The following TENM4 variants were observed in gnomAD, a reference collection of about 807,000 sequenced individuals.
TENM4 encodes teneurin transmembrane protein 4.
Under a neutral mutation model 243.3 loss-of-function variants are expected in TENM4, and 82 were observed. That is an observed-to-expected ratio of 0.34 (90% confidence interval 0.28 to 0.40). TENM4 has a LOEUF of 0.40. TENM4 is among the 10% of genes least tolerant of loss of function. TENM4 has a pLI of 1.00. For synonymous variants in TENM4, 1,412 were observed against 1,456.3 expected (o/e 0.97, Z 0.69); for missense variants, 3,138 against 3,673.3 (o/e 0.85, Z 3.77).
chr11:78,732,636 G>T, intron 20 of TENM4, 59 bp from the exon 21 acceptor site: 1 of 1,501,054 alleles, frequency 6.7e-7, no homozygotes, highest in South Asian at 1.4e-5. Flanking sequence ...GAACCAGGAT[G>T]AGAAAGAGAG....
chr11:79,085,413 C>CT (rs1330294442), intron 4 of TENM4, among the ~76,000 whole-genome samples: 1 of 147,050 alleles, frequency 6.8e-6, no homozygotes, highest in African/African-American at 2.5e-5. Context: ...TTGGGTCAGG[C>CT]TTTTTTGAGT....
At chr11:79,005,033 A>G (rs1858446462) in intron 6 of TENM4, among the ~76,000 whole-genome samples, 1 of 152,104 alleles carries the variant, frequency 6.6e-6, no homozygotes, top group Admixed American at 6.5e-5. Context: ...AAATTCCTCA[A>G]AACATACAAT....
intron 4 of TENM4, among the ~76,000 whole-genome samples, chr11:79,088,712 G>A (rs10793358): frequency 0.88 from 134,190 of 152,240 alleles, 59,483 homozygotes; most frequent in Middle Eastern, 0.97. Flanking sequence ...GGATTTCTCC[G>A]GCCCATTCAC....
At chr11:79,172,210 C>T (rs1272710227) in intron 3 of TENM4, among the ~76,000 whole-genome samples, 4 of 152,130 alleles carry the variant, frequency 2.6e-5, no homozygotes, top group Non-Finnish European at 5.9e-5. Flanking sequence ...GCCTCGGCCT[C>T]CCAAAATGCT....
At chr11:79,404,008 A>G (rs1012159853) in intron 1 of TENM4, among the ~76,000 whole-genome samples, 1 of 152,190 alleles carries the variant, frequency 6.6e-6, no homozygotes, top group African/African-American at 2.4e-5. Flanking sequence ...CAGTCCCAAG[A>G]AAGCACTTCA....
At chr11:78,786,677 C>T (rs987314217) in intron 16 of TENM4, among the ~76,000 whole-genome samples, 2 of 152,208 alleles carry the variant, frequency 1.3e-5, no homozygotes, top group South Asian at 2.1e-4. Flanking sequence ...CTAACCAGGA[C>T]ATGGGAAATG....
intron 1 of TENM4, among the ~76,000 whole-genome samples, chr11:79,355,372 A>C (rs1857478673): frequency 6.6e-6 from 1 of 152,164 alleles, no homozygotes; most frequent in Admixed American, 6.5e-5. Flanking sequence ...GTCTCTACTA[A>C]AAACACAAAA....
rs1377060260 is a variant in TENM4 at position 78,654,490 on chromosome 11, TTTC to T, written c.*3565_*3567del. On this transcript the variant is annotated 3_prime_UTR_variant, in exon 34 of 34. Coordinates refer to ENST00000278550, the MANE Select transcript of TENM4 (RefSeq NM_001098816.3). ...AAAGTTGCAGCTGCGAAGATTTGTT[TTTC>T]TTCTTTTTTCAAATTCTGATTCTTT... 6.6e-6 allele frequency: 1 copy of T among 152,162 alleles called. No homozygotes were observed. Among genetic ancestry groups the T allele is most frequent in the Non-Finnish European group, 1.5e-5 (1 of 68,030 alleles). The allele number at this position is 152,162 out of a possible 1,614,324, so 9.4% of individuals were successfully genotyped here.
intron 9 of TENM4, among the ~76,000 whole-genome samples, chr11:78,864,744 A>G (rs962719897): frequency 3.9e-5 from 6 of 152,216 alleles, no homozygotes; most frequent in African/African-American, 1.4e-4. Context: ...CTGGACCCTC[A>G]TGACACCCTG....
intron 9 of TENM4, among the ~76,000 whole-genome samples, chr11:78,867,523 T>C (rs1178157658): frequency 6.6e-6 from 1 of 152,210 alleles, no homozygotes; most frequent in African/African-American, 2.4e-5. Flanking sequence ...GAGAAGTAGT[T>C]TGCTCTGCTC....
intron 4 of TENM4, among the ~76,000 whole-genome samples, chr11:79,121,224 T>C (rs1310030086): frequency 6.6e-6 from 1 of 151,848 alleles, no homozygotes; most frequent in Non-Finnish European, 1.5e-5. Context: ...TTCTAGGAGC[T>C]TTCCTGTCTT....
intron 5 of TENM4, among the ~76,000 whole-genome samples, chr11:79,068,908 G>A (rs1413740987): frequency 2.0e-5 from 3 of 152,088 alleles, no homozygotes; most frequent in South Asian, 2.1e-4. Flanking sequence ...CTATGCTAGG[G>A]GGAGCTCAGT....
At chr11:79,419,553 A>T (rs143009811) in intron 1 of TENM4, among the ~76,000 whole-genome samples, 1 of 152,316 alleles carries the variant, frequency 6.6e-6, no homozygotes, top group African/African-American at 2.4e-5. Context: ...GGAAACTCAC[A>T]TTCTGGACTT....
intron 19 of TENM4, among the ~76,000 whole-genome samples, chr11:78,748,083 G>A (rs963148969): frequency 3.3e-5 from 5 of 152,148 alleles, no homozygotes; most frequent in Admixed American, 6.5e-5. Context: ...CAACTACACC[G>A]ATGCTTCAGG....
At chr11:79,210,126 G>A (rs535826917) in intron 3 of TENM4, among the ~76,000 whole-genome samples, 10 of 152,052 alleles carry the variant, frequency 6.6e-5, no homozygotes, top group African/African-American at 1.2e-4. Context: ...TAGGAAGTAC[G>A]GTGTCCTCTT....
intron 1 of TENM4, among the ~76,000 whole-genome samples, chr11:79,337,142 A>G (rs1857161537): frequency 1.3e-5 from 2 of 152,260 alleles, no homozygotes; most frequent in Non-Finnish European, 1.5e-5. Flanking sequence ...GCATCCACGT[A>G]GCAACTTACA....
intron 1 of TENM4, among the ~76,000 whole-genome samples, chr11:79,333,051 G>A (rs1358726071): frequency 6.6e-6 from 1 of 152,140 alleles, no homozygotes; most frequent in African/African-American, 2.4e-5. Context: ...GAAGTTCAGT[G>A]TTCAGTCCTT....
chr11:78,729,856 G>A (rs1360357665), intron 21 of TENM4, among the ~76,000 whole-genome samples: 2 of 152,086 alleles, frequency 1.3e-5, no homozygotes, highest in Admixed American at 1.3e-4. Flanking sequence ...AAGCATAAAT[G>A]AGATGGGAGA....
rs569082783 is a variant in TENM4 at position 79,132,345 on chromosome 11, CAAA to C, written c.-66+16362_-66+16364del. Among the ~76,000 whole-genome samples the C allele has an allele frequency of 6.6e-4, 33 of 49,952 alleles. 3 individuals carry two copies. Among genetic ancestry groups the C allele is most frequent in the Admixed American group, 2.8e-3 (11 of 3,910 alleles). 32.8% of individuals were successfully genotyped at this position (49,952 alleles called of 152,430 possible). ...TGGGAGAAAGAGCAAGACTCCAACT[CAAA>C]AAAAAAAAAAAAAAGAGAAATGAGA... On this transcript the variant is annotated intron_variant, in intron 4 of 33. Transcript: ENST00000278550.
Sources: gnomAD v4.1 joint callset for allele counts (sites outside exome capture counted in the v4.1 genomes callset) on GRCh38, gnomAD v4.1.1 for gene constraint, MANE v1.5 for transcripts, NCBI Gene and HGNC (gene_info 2026-07-23, HGNC 2026-07-21) for gene names.